The following ZFAT variants were observed in gnomAD, a reference collection of about 807,000 sequenced individuals.
ZFAT encodes zinc finger protein ZFAT.
ZFAT carries 64 observed loss-of-function variants against 117.7 expected under a neutral mutation model. That is an observed-to-expected ratio of 0.54 (90% CI 0.44 to 0.67). ZFAT has a LOEUF of 0.67. Ranked by LOEUF, ZFAT falls within the 30% of genes least tolerant of loss-of-function variation. ZFAT has a pLI of 0.00. For missense variants in ZFAT, 1,433 were observed against 1,584.5 expected (o/e 0.90, Z 1.62); for synonymous variants, 679 against 615.0 (o/e 1.10, Z -1.54).
the ZFAT span, chr8:134,794,856 T>G: frequency 2.0e-5 from 3 of 152,268 alleles, no homozygotes; most frequent in Non-Finnish European, 4.4e-5. Context: ...GGAGCTCACA[T>G]GAGCTTGGAA....
In ZFAT at chr8:134,600,590, T is replaced by C. The variant is rs1480554405; in HGVS notation, c.2321A>G (p.Gln774Arg). The change falls in exon 7 of 16, where the codon CAG (glutamine) becomes CGG (arginine). Residue 774 changes from glutamine (Q) to arginine (R), a missense_variant. By Grantham distance (43) the Gln-to-Arg change is conservative (BLOSUM62 1). This residue lies in a region of ZFAT where 49 missense variants were observed against 81.5 expected (regional missense o/e 0.60). Transcript: ENST00000377838. ...TTTGGTGATGGAAGAATAATGACAC[T>C]GAGAGCAATAATACAGATGTTCCCG... ...HTREHLYYCSQCHYSSITKNC... is the reference protein window; with the variant it reads ...HTREHLYYCSRCHYSSITKNC... The C allele has an allele frequency of 6.2e-7, 1 of 1,614,076 alleles. No individual in the cohort carries two copies. Among genetic ancestry groups the C allele is most frequent in the Non-Finnish European group, 8.5e-7 (1 of 1,180,032 alleles).
At chr8:134,688,987 G>A (rs1480817924) in intron 1 of ZFAT, among the ~76,000 whole-genome samples, 1 of 152,182 alleles carries the variant, frequency 6.6e-6, no homozygotes, top group Non-Finnish European at 1.5e-5. Flanking sequence ...AGATGAAGGT[G>A]CTGCCTGCCC....
At chr8:134,587,543 G>A (rs1252670737) in intron 9 of ZFAT, among the ~76,000 whole-genome samples, 7 of 152,168 alleles carry the variant, frequency 4.6e-5, no homozygotes, top group Non-Finnish European at 7.3e-5. Context: ...GCAGGGACCT[G>A]ATGCAGGTGT....
chr8:134,667,298 C>G (rs537592203), intron 1 of ZFAT, among the ~76,000 whole-genome samples: 33 of 152,166 alleles, frequency 2.2e-4, no homozygotes, highest in Non-Finnish European at 4.0e-4. Flanking sequence ...CCAGACCACC[C>G]TGGCTAACAC....
At chr8:134,794,140 T>C in the ZFAT span, 1 of 152,212 alleles carries the variant, frequency 6.6e-6, no homozygotes, top group Non-Finnish European at 1.5e-5. Flanking sequence ...CTTAGAGCTA[T>C]CTCAAATCAC....
chr8:134,608,979 A>G (rs1336889710), intron 4 of ZFAT, 100 bp from the exon 5 acceptor site: 1 of 1,353,450 alleles, frequency 7.4e-7, no homozygotes, highest in East Asian at 2.6e-5. Context: ...CTATTTCTAT[A>G]CTGTCTGATA....
At chr8:134,787,576 A>C in the ZFAT span, among the ~76,000 whole-genome samples, 112 of 152,302 alleles carry the variant, frequency 7.4e-4, 1 homozygote, top group African/African-American at 2.6e-3. Context: ...AACAGTGTTA[A>C]TTACAACTAC....
At chr8:134,490,390 AC>A (rs1817965782) in intron 15 of ZFAT, among the ~76,000 whole-genome samples, 1 of 152,240 alleles carries the variant, frequency 6.6e-6, no homozygotes, top group African/African-American at 2.4e-5. Flanking sequence ...CCTGGGTTCA[AC>A]CACGAAGAGG....
Position 134,602,739 on chromosome 8 carries a change from G to A in ZFAT, c.980C>T (p.Ala327Val). The change falls in exon 6 of 16, where the codon GCC (alanine) becomes GTC (valine). Residue 327 changes from alanine to valine, a missense_variant. Physicochemically the swap from Ala to Val is moderately conservative, Grantham distance 64 (BLOSUM62 0). Around this residue, in one of 5 missense-constraint regions of ZFAT, gnomAD observed 436 missense variants for 482.0 expected, o/e 0.90. Transcript: ENST00000377838. ...GCAGGTGAACGAGCAATAGTCGCAG[G>A]CGAACTTCTCTCCAGTGTGCTTGCG... ...HLRKHTGEKFACDYCSFTCLS... is the reference protein window; with the variant it reads ...HLRKHTGEKFVCDYCSFTCLS... 1.2e-6 allele frequency: 2 copies of A among 1,613,762 alleles called. No individual in the cohort carries two copies. Among genetic ancestry groups the A allele is most frequent in the Non-Finnish European group, 8.5e-7 (1 of 1,179,702 alleles).
chr8:134,744,158 G>T, the ZFAT span, among the ~76,000 whole-genome samples: 4 of 152,142 alleles, frequency 2.6e-5, no homozygotes, highest in Admixed American at 6.5e-5. Flanking sequence ...TCCCCTCTGA[G>T]GCTCAAGGTC....
the ZFAT span, among the ~76,000 whole-genome samples, chr8:134,824,805 G>C: frequency 6.6e-6 from 1 of 152,136 alleles, no homozygotes; most frequent in South Asian, 2.1e-4. Context: ...TTTCACTCAA[G>C]TTAAAACTAT....
the ZFAT span, among the ~76,000 whole-genome samples, chr8:134,787,339 AT>A: frequency 2.0e-5 from 3 of 152,128 alleles, no homozygotes; most frequent in African/African-American, 7.2e-5. Context: ...CATGGAATTG[AT>A]TTTTCTATAT....
chr8:134,604,694 A>G (rs1056894405), intron 5 of ZFAT, among the ~76,000 whole-genome samples: 2 of 152,252 alleles, frequency 1.3e-5, no homozygotes, highest in African/African-American at 4.8e-5. Flanking sequence ...TATCCACAAC[A>G]CAGGTGGCCT....
chr8:134,530,713 G>A (rs904017176), intron 12 of ZFAT, among the ~76,000 whole-genome samples: 1 of 151,980 alleles, frequency 6.6e-6, no homozygotes, highest in African/African-American at 2.4e-5. Context: ...CCATATCCAT[G>A]GGTTCAACCA....
rs557088070 is a variant in ZFAT at position 134,615,296 on chromosome 8, C to T, written c.449-4641G>A. ...CCACCTCCGGAGTTCAAGTGATTCTCGTGCCTCAGCCTCCCAAGTAGCTAG... is the reference window on the plus strand; with the variant it reads ...CCACCTCCGGAGTTCAAGTGATTCTTGTGCCTCAGCCTCCCAAGTAGCTAG... On this transcript the variant is annotated intron_variant, in intron 3 of 15. Coordinates refer to ENST00000377838, the MANE Select transcript of ZFAT (RefSeq NM_020863.4). Among the ~76,000 whole-genome samples the T allele has an allele frequency of 7.5e-4, 114 of 152,150 alleles. 2 individuals are homozygous for T. The highest frequency in any genetic ancestry group is 5.7e-4 in the Non-Finnish European group (39 of 68,012).
the ZFAT span, among the ~76,000 whole-genome samples, chr8:134,719,844 T>C: frequency 6.6e-6 from 1 of 152,134 alleles, no homozygotes; most frequent in African/African-American, 2.4e-5. Flanking sequence ...CTTTCAGCCG[T>C]TTTTGGAAAG....
At chr8:134,667,306 C>T (rs529396647) in intron 1 of ZFAT, among the ~76,000 whole-genome samples, 1 of 152,030 alleles carries the variant, frequency 6.6e-6, no homozygotes, top group Non-Finnish European at 1.5e-5. Flanking sequence ...CCCTGGCTAA[C>T]ACAGTGAAAC....
chr8:134,665,989 C>T (rs750547545), intron 1 of ZFAT, among the ~76,000 whole-genome samples: 7 of 152,186 alleles, frequency 4.6e-5, no homozygotes, highest in Non-Finnish European at 7.3e-5. Context: ...TGACAGAGCA[C>T]CCCTTCCCAT....
At chr8:134,679,109 C>G (rs1832941325) in intron 1 of ZFAT, among the ~76,000 whole-genome samples, 2 of 152,088 alleles carry the variant, frequency 1.3e-5, no homozygotes, top group South Asian at 2.1e-4. Context: ...AAACTAAAGA[C>G]CTTCTGCACA....
Sources: gnomAD v4.1 joint callset for allele counts (sites outside exome capture counted in the v4.1 genomes callset) on GRCh38, gnomAD v4.1.1 for gene constraint, gnomAD v4.1.1 regional missense constraint, MANE v1.5 for transcripts, NCBI Gene and HGNC (gene_info 2026-07-23, HGNC 2026-07-21) for gene names.